CMIP: variants seen among roughly 807,000 people sequenced by gnomAD.
CMIP encodes the protein C-Maf-inducing protein.
Under a neutral mutation model 97.3 loss-of-function variants are expected in CMIP, and 13 were observed. The observed-to-expected ratio is 0.13, with a 90% CI of 0.09 to 0.21. CMIP has a LOEUF of 0.21. Ranked by LOEUF, CMIP falls within the 10% of genes least tolerant of loss-of-function variation. CMIP has a pLI of 1.00. For missense variants in CMIP, 847 were observed against 1,024.9 expected (o/e 0.83, Z 2.37); for synonymous variants, 538 against 436.3 (o/e 1.23, Z -2.91).
chr16:81,548,734 T>C (rs918936699), intron 1 of CMIP, among the ~76,000 whole-genome samples: 2 of 151,314 alleles, frequency 1.3e-5, no homozygotes, highest in African/African-American at 4.9e-5. Context: ...TAGTCTTAGC[T>C]ACGTGGGAGG....
At chr16:81,641,763 T>C (rs1342582309) in intron 3 of CMIP, among the ~76,000 whole-genome samples, 1 of 152,224 alleles carries the variant, frequency 6.6e-6, no homozygotes, top group Non-Finnish European at 1.5e-5. Flanking sequence ...GGCACCCAGC[T>C]GCACCAGCCT....
chr16:81,450,449 G>A (rs1274843592), intron 1 of CMIP, among the ~76,000 whole-genome samples: 1 of 152,202 alleles, frequency 6.6e-6, no homozygotes, highest in Non-Finnish European at 1.5e-5. Flanking sequence ...CTTAGGGAGA[G>A]CACCTCATGT....
intron 2 of CMIP, chr16:81,619,563 C>G (rs1295528825): frequency 6.6e-6 from 1 of 152,280 alleles, no homozygotes; most frequent in Non-Finnish European, 1.5e-5. Context: ...CCTGAACCGT[C>G]AGAGGCAGGG....
chr16:81,574,167 C>A (rs1440460334), intron 1 of CMIP, among the ~76,000 whole-genome samples: 1 of 152,242 alleles, frequency 6.6e-6, no homozygotes, highest in Admixed American at 6.5e-5. Flanking sequence ...GTAGTACGTT[C>A]TGTTGGGCCG....
intron 1 of CMIP, among the ~76,000 whole-genome samples, chr16:81,510,357 A>G (rs2089787842): frequency 1.3e-5 from 2 of 152,196 alleles, no homozygotes; most frequent in African/African-American, 4.8e-5. Flanking sequence ...GCTAATAATA[A>G]TGATGACAAT....
At chr16:81,641,273 C>T (rs187955113) in intron 3 of CMIP, among the ~76,000 whole-genome samples, 2 of 152,198 alleles carry the variant, frequency 1.3e-5, no homozygotes, top group East Asian at 3.9e-4. Context: ...TTCATTCTCC[C>T]CACTGCCTGT....
intron 1 of CMIP, among the ~76,000 whole-genome samples, chr16:81,533,087 T>C (rs917484224): frequency 6.6e-6 from 1 of 152,188 alleles, no homozygotes; most frequent in African/African-American, 2.4e-5. Flanking sequence ...ATCCAAAAAG[T>C]TGGCACCCAC....
At chr16:81,524,631 A>T (rs1391999585) in intron 1 of CMIP, among the ~76,000 whole-genome samples, 1 of 152,242 alleles carries the variant, frequency 6.6e-6, no homozygotes, top group Non-Finnish European at 1.5e-5. Context: ...AGAGAGGTGA[A>T]GTAACTTGCC....
intron 4 of CMIP, 43 bp from the exon 5 acceptor site, chr16:81,657,732 T>C (rs1171442854): frequency 1.3e-6 from 2 of 1,510,038 alleles, no homozygotes; most frequent in Admixed American, 4.3e-5. Context: ...CTTAATTTTC[T>C]TTTGTTTTGT....
intron 1 of CMIP, among the ~76,000 whole-genome samples, 179 bp downstream of exon 1, chr16:81,445,720 A>C (rs560168719): frequency 6.6e-6 from 1 of 152,176 alleles, no homozygotes; most frequent in African/African-American, 2.4e-5. Context: ...TCGATTTTGG[A>C]GTCTGAAGCC....
At chr16:81,620,657 G>A in intron 2 of CMIP, 1 of 547,878 alleles carries the variant, frequency 1.8e-6, no homozygotes, top group South Asian at 2.0e-5. Flanking sequence ...CACGGTGCTA[G>A]TGATGTCTTG....
At chr16:81,607,498 C>CT in intron 1 of CMIP, 69 bp from the exon 2 acceptor site, 2 of 1,581,822 alleles carry the variant, frequency 1.3e-6, no homozygotes, top group South Asian at 2.2e-5. Flanking sequence ...CCAAAACCGT[C>CT]TGAGATGCGG....
intron 1 of CMIP, among the ~76,000 whole-genome samples, chr16:81,577,543 ATAT>A (rs1162058572): frequency 1.4e-5 from 2 of 141,524 alleles, no homozygotes; most frequent in Admixed American, 7.0e-5. Flanking sequence ...CATTACAACT[ATAT>A]TATTATCACT....
At chr16:81,703,710 T>G (rs1907691211) in intron 17 of CMIP, 1 of 576,918 alleles carries the variant, frequency 1.7e-6, no homozygotes, top group Admixed American at 3.1e-5. Flanking sequence ...GGCTTTCTCC[T>G]CCGCCTGGCA....
chr16:81,651,296 C>T (rs1312921167), intron 3 of CMIP: 2 of 324,548 alleles, frequency 6.2e-6, no homozygotes, highest in Non-Finnish European at 8.9e-6. Context: ...AGTGCTTGGC[C>T]CAGACCTCCG....
At chr16:81,556,822 C>T (rs960456888) in intron 1 of CMIP, among the ~76,000 whole-genome samples, 2 of 152,208 alleles carry the variant, frequency 1.3e-5, no homozygotes, top group African/African-American at 2.4e-5. Context: ...AGGAGACACC[C>T]AGTTTAAGGG....
At chr16:81,541,765 G>C (rs138922561) in intron 1 of CMIP, among the ~76,000 whole-genome samples, 1 of 152,184 alleles carries the variant, frequency 6.6e-6, no homozygotes, top group Non-Finnish European at 1.5e-5. Flanking sequence ...GCCTTGAGGG[G>C]GTCTTCAGAG....
intron 1 of CMIP, among the ~76,000 whole-genome samples, chr16:81,556,942 A>G (rs1467705750): frequency 1.3e-5 from 2 of 152,212 alleles, no homozygotes; most frequent in Non-Finnish European, 2.9e-5. Context: ...GCGATGACTC[A>G]ATGTCATGTG....
chr16:81,490,418 G>A (rs1337554162), intron 1 of CMIP, among the ~76,000 whole-genome samples: 2 of 152,120 alleles, frequency 1.3e-5, no homozygotes, highest in African/African-American at 4.8e-5. Context: ...TCAGGAGTTC[G>A]AGACCAGCCT....
Sources: allele counts gnomAD v4.1 joint callset (sites outside exome capture counted in the v4.1 genomes callset), GRCh38; gene constraint gnomAD v4.1.1; transcripts MANE v1.5; gene names NCBI Gene and HGNC (gene_info 2026-07-23, HGNC 2026-07-21).